RBPJ: variants seen among roughly 807,000 people sequenced by gnomAD.
The protein encoded by RBPJ is recombination signal binding protein for immunoglobulin kappa J region.
A neutral mutation model predicts 67.8 loss-of-function variants in RBPJ; 9 were observed. That is an observed-to-expected ratio of 0.13 (90% CI 0.08 to 0.23). The LOEUF (loss-of-function observed/expected upper bound fraction) is 0.23, where lower values mean the gene tolerates loss of function less well. RBPJ is among the 10% of genes least tolerant of loss of function. The pLI is 1.00. For synonymous variants in RBPJ, 198 were observed against 203.3 expected (o/e 0.97, Z 0.22); for missense variants, 305 against 595.6 (o/e 0.51, Z 5.08).
chr4:26,265,345 A>C (rs940015951), intron 1 of RBPJ, among the ~76,000 whole-genome samples: 1 of 151,978 alleles, frequency 6.6e-6, no homozygotes, highest in African/African-American at 2.4e-5. Flanking sequence ...CCTGACCAAC[A>C]TGATGAAACC....
intron 1 of RBPJ, among the ~76,000 whole-genome samples, chr4:26,259,096 C>CT (rs1315831110): frequency 1.3e-5 from 2 of 152,116 alleles, no homozygotes; most frequent in African/African-American, 2.4e-5. Context: ...GCCACCATGC[C>CT]CGGCCTAAAC....
chr4:26,242,705 TAAAAAA>T (rs1025631996), intron 1 of RBPJ, among the ~76,000 whole-genome samples: 104 of 100,408 alleles, frequency 1.0e-3, no homozygotes, highest in African/African-American at 3.6e-3. Context: ...CACTCATAGT[TAAAAAA>T]AAAAAAAAAA....
At chr4:26,210,727 C>CCTTCTTTCTTTCTTTCTTTT (rs55806116) in intron 1 of RBPJ, among the ~76,000 whole-genome samples, 1 of 61,776 alleles carries the variant, frequency 1.6e-5, no homozygotes, top group Non-Finnish European at 3.3e-5. Flanking sequence ...TTCTTTCTTT[C>CCTTCTTTCTTTCTTTCTTTT]CTTCTTTACT....
chr4:26,366,124 G>C (rs1728596216), intron 1 of RBPJ, among the ~76,000 whole-genome samples: 1 of 152,164 alleles, frequency 6.6e-6, no homozygotes, highest in African/African-American at 2.4e-5. Context: ...TGTGTCAGTG[G>C]CATGTGTATG....
intron 1 of RBPJ, among the ~76,000 whole-genome samples, chr4:26,359,513 G>C (rs1455413090): frequency 4.6e-5 from 7 of 151,694 alleles, no homozygotes; most frequent in African/African-American, 1.2e-4. Context: ...GGGCTCGGGT[G>C]GGGGTTCCCT....
upstream of RBPJ, among the ~76,000 whole-genome samples, chr4:26,158,757 T>C (rs987460138): frequency 9.2e-5 from 14 of 152,248 alleles, no homozygotes; most frequent in East Asian, 2.7e-3. Flanking sequence ...TGTAAAACCA[T>C]GTGTCATCCT....
chr4:26,231,065 A>G (rs145807209), intron 1 of RBPJ, among the ~76,000 whole-genome samples: 9 of 152,334 alleles, frequency 5.9e-5, no homozygotes, highest in African/African-American at 2.2e-4. Context: ...GAACATAAAA[A>G]TGTGGAGGTA....
chr4:26,212,432 CTTTTT>C (rs370447105), intron 1 of RBPJ, among the ~76,000 whole-genome samples: 2 of 112,232 alleles, frequency 1.8e-5, no homozygotes, highest in Non-Finnish European at 3.5e-5. Flanking sequence ...CTTTTCTTTT[CTTTTT>C]TTTTTTTTTT....
chr4:26,274,181 G>A (rs1721007956), intron 1 of RBPJ, among the ~76,000 whole-genome samples: 1 of 152,018 alleles, frequency 6.6e-6, no homozygotes, highest in African/African-American at 2.4e-5. Flanking sequence ...TCTGCCATCT[G>A]CCCCATGCTC....
intron 1 of RBPJ, among the ~76,000 whole-genome samples, chr4:26,196,648 C>A (rs569538910): frequency 1.8e-4 from 28 of 152,138 alleles, no homozygotes; most frequent in Non-Finnish European, 3.5e-4. Flanking sequence ...ACTTCGAATT[C>A]CACACTTCTT....
intron 1 of RBPJ, among the ~76,000 whole-genome samples, chr4:26,367,569 T>A (rs1265155959): frequency 1.3e-5 from 2 of 152,222 alleles, no homozygotes; most frequent in Non-Finnish European, 2.9e-5. Context: ...AATATAAAAT[T>A]TAAAGTTGCA....
Position 26,431,852 on chromosome 4 carries a change from C to T in RBPJ, c.*845C>T, listed in dbSNP as rs1736267393. On this transcript the variant is annotated 3_prime_UTR_variant, in exon 11 of 11. Coordinates refer to ENST00000355476, the MANE Select transcript of RBPJ (RefSeq NM_015874.6). ...TCCTTTTTTTAAAAAAAAATATGGA[C>T]TTATTGTGGTTATCTGAGAGGTTCT... is the stretch of plus-strand genomic sequence containing the variant. The T allele has an allele frequency of 1.3e-5, 2 of 151,946 alleles. No individual in the cohort carries two copies. The highest frequency in any genetic ancestry group is 2.4e-5 in the African/African-American group (1 of 41,350). 9.4% of individuals were successfully genotyped at this position (151,946 alleles called of 1,614,324 possible). A position where few individuals can be genotyped will look rare whatever the true frequency, so the allele number is the denominator to read the frequency against.
At chr4:26,180,241 G>A (rs10023222) in intron 1 of RBPJ, among the ~76,000 whole-genome samples, 1 of 151,776 alleles carries the variant, frequency 6.6e-6, no homozygotes, top group Non-Finnish European at 1.5e-5. Flanking sequence ...TAGTACCTGG[G>A]TGACGAAATA....
intron 1 of RBPJ, among the ~76,000 whole-genome samples, chr4:26,356,967 T>A (rs1299321446): frequency 6.6e-6 from 1 of 152,128 alleles, no homozygotes; most frequent in Admixed American, 6.5e-5. Context: ...TAGAGAAGTG[T>A]GCATACAAGC....
At chr4:26,205,213 T>C (rs1400282865) in intron 1 of RBPJ, among the ~76,000 whole-genome samples, 2 of 152,192 alleles carry the variant, frequency 1.3e-5, no homozygotes, top group African/African-American at 4.8e-5. Flanking sequence ...TGTGCACTTA[T>C]CTTTAGCAAG....
At chr4:26,330,317 C>A (rs897270139) in intron 1 of RBPJ, among the ~76,000 whole-genome samples, 1 of 152,202 alleles carries the variant, frequency 6.6e-6, no homozygotes, top group East Asian at 1.9e-4. Context: ...CACCTACCAT[C>A]TGCCAGAATG....
chr4:26,273,575 G>A (rs986505687), intron 1 of RBPJ, among the ~76,000 whole-genome samples: 4 of 152,202 alleles, frequency 2.6e-5, no homozygotes, highest in African/African-American at 7.2e-5. Context: ...GAATCTAAGA[G>A]GAGGGCACAG....
intron 1 of RBPJ, among the ~76,000 whole-genome samples, chr4:26,224,951 A>C (rs1577491689): frequency 6.6e-6 from 1 of 152,214 alleles, no homozygotes; most frequent in Non-Finnish European, 1.5e-5. Flanking sequence ...TTAGAGACAA[A>C]ACAAAGACTA....
In RBPJ at chr4:26,210,700, T is replaced by TTTCTTTCTTTCTTTCTTTCTTTCTTTCC. The variant is rs1348512062; in HGVS notation, c.-167+47093_-167+47094insTTTCTTTCTTTCTTTCTTTCCTTCTTTC. ...TTTCTTTCTTTCCTTTCTTTCTTTC[T>TTTCTTTCTTTCTTTCTTTCTTTCTTTCC]TTCTTTCCTTCTTTCCTTCTTTCTT... is the stretch of plus-strand genomic sequence containing the variant. On this transcript the variant is annotated intron_variant, in intron 1 of 4. Transcript: ENST00000512351. 2.5e-4 allele frequency among the ~76,000 whole-genome samples: 15 copies of TTTCTTTCTTTCTTTCTTTCTTTCTTTCC among 59,914 alleles called. 1 individual carries two copies. In the East Asian group the frequency reaches 2.9e-3, roughly 11 times the overall value. 39.3% of individuals were successfully genotyped at this position (59,914 alleles called of 152,430 possible). A position where few individuals can be genotyped will look rare whatever the true frequency, so the allele number is the denominator to read the frequency against.
Sources: gnomAD v4.1 joint callset for allele counts (sites outside exome capture counted in the v4.1 genomes callset) on GRCh38, gnomAD v4.1.1 for gene constraint, MANE v1.5 for transcripts, NCBI Gene and HGNC (gene_info 2026-07-23, HGNC 2026-07-21) for gene names.